TTLL5: variants seen among roughly 807,000 people sequenced by gnomAD.
TTLL5 encodes tubulin tyrosine ligase like 5, also known as tubulin polyglutamylase TTLL5.
TTLL5 carries 132 observed loss-of-function variants against 168.4 expected under a neutral mutation model. The ratio of observed to expected loss-of-function variants is 0.78; its 90% CI spans 0.68 to 0.91. TTLL5 has a LOEUF of 0.91. Ranked by LOEUF, TTLL5 falls within the 40% of genes least tolerant of loss-of-function variation. The pLI, the probability that TTLL5 is intolerant of heterozygous loss-of-function variation, is 0.00. For missense variants in TTLL5, 1,545 were observed against 1,581.5 expected (o/e 0.98, Z 0.39); for synonymous variants, 546 against 558.6 (o/e 0.98, Z 0.32).
intron 15 of TTLL5, among the ~76,000 whole-genome samples, chr14:75,740,680 T>A (rs1248466891): frequency 6.6e-6 from 1 of 152,168 alleles, no homozygotes; most frequent in Non-Finnish European, 1.5e-5. Context: ...TTAGAAGCCA[T>A]TTTTTTGGTC....
intron 3 of TTLL5, among the ~76,000 whole-genome samples, chr14:75,681,056 A>G (rs1884572657): frequency 6.6e-6 from 1 of 152,212 alleles, no homozygotes; most frequent in African/African-American, 2.4e-5. Flanking sequence ...AAGGAAATAC[A>G]TTGTATTGAA....
At chr14:75,907,606 C>T (rs901282772) in intron 31 of TTLL5, among the ~76,000 whole-genome samples, 1 of 152,176 alleles carries the variant, frequency 6.6e-6, no homozygotes, top group Non-Finnish European at 1.5e-5. Flanking sequence ...GATCAGCAAG[C>T]TTCAAATATC....
At chr14:75,762,672 T>A (rs1890725161) in intron 18 of TTLL5, among the ~76,000 whole-genome samples, 1 of 152,216 alleles carries the variant, frequency 6.6e-6, no homozygotes, top group African/African-American at 2.4e-5. Context: ...ATTTATCTGT[T>A]TATCCAGGGT....
chr14:75,804,912 C>A (rs903506637), intron 27 of TTLL5, among the ~76,000 whole-genome samples: 3 of 152,190 alleles, frequency 2.0e-5, no homozygotes, highest in Non-Finnish European at 4.4e-5. Context: ...TTGAAGCTCT[C>A]ATTTTCTTTA....
Position 75,766,313 on chromosome 14 carries a change from G to C in TTLL5, c.1960G>C (p.Glu654Gln). The C allele has an allele frequency of 6.2e-7, 1 of 1,613,914 alleles. No individual in the cohort carries two copies. Among genetic ancestry groups the C allele is most frequent in the Non-Finnish European group, 8.5e-7 (1 of 1,179,960 alleles). ...GGHCCKLETQ[E>Q]LEPKFNLMQI... Reference sequence around the variant, plus strand: ...ACACTGCTGCAAACTTGAGACTCAGGAGCTAGAGCCTAAATTTAACCTGAT... The same window carrying C: ...ACACTGCTGCAAACTTGAGACTCAGCAGCTAGAGCCTAAATTTAACCTGAT... Residue 654 changes from glutamate to glutamine, a missense_variant, in exon 20 of 32, where the codon GAG (glutamate) becomes CAG (glutamine). Glu to Gln is a conservative substitution (Grantham distance 29). Transcript: ENST00000298832.
At chr14:75,793,729 G>A (rs1892848472) in intron 27 of TTLL5, among the ~76,000 whole-genome samples, 1 of 152,184 alleles carries the variant, frequency 6.6e-6, no homozygotes, top group Non-Finnish European at 1.5e-5. Flanking sequence ...CACAGTGAAG[G>A]TAGATGACAC....
At chr14:75,850,231 A>G (rs983347040) in intron 28 of TTLL5, among the ~76,000 whole-genome samples, 2 of 151,826 alleles carry the variant, frequency 1.3e-5, no homozygotes, top group African/African-American at 4.8e-5. Context: ...AAATGGAGAA[A>G]CCCCGTCTCT....
At chr14:75,865,126 G>A (rs1332386074) in intron 29 of TTLL5, among the ~76,000 whole-genome samples, 2 of 152,062 alleles carry the variant, frequency 1.3e-5, no homozygotes, top group African/African-American at 4.8e-5. Context: ...ATAGAATATA[G>A]CATCTCATTG....
At chr14:75,688,071 GC>G (rs1885200120) in intron 5 of TTLL5, among the ~76,000 whole-genome samples, 1 of 152,056 alleles carries the variant, frequency 6.6e-6, no homozygotes, top group South Asian at 2.1e-4. Flanking sequence ...TAACTCCTTG[GC>G]TCCTTGGAAT....
intron 31 of TTLL5, among the ~76,000 whole-genome samples, chr14:75,908,306 C>T (rs1009020488): frequency 1.4e-4 from 22 of 152,158 alleles, no homozygotes; most frequent in African/African-American, 5.3e-4. Context: ...GGCATGTGGC[C>T]GATGGCAGTG....
At chr14:75,784,317 A>G (rs1892243894) in intron 26 of TTLL5, among the ~76,000 whole-genome samples, 1 of 152,158 alleles carries the variant, frequency 6.6e-6, no homozygotes, top group Admixed American at 6.5e-5. Context: ...GCTGCTTTCT[A>G]TTCTGGACAT....
intron 15 of TTLL5, among the ~76,000 whole-genome samples, chr14:75,737,120 C>T (rs1030907861): frequency 1.3e-5 from 2 of 152,184 alleles, no homozygotes; most frequent in Non-Finnish European, 2.9e-5. Flanking sequence ...TCTTAGTTTG[C>T]CTGTCAGCTT....
rs202058075 is a variant in TTLL5, at chr14:75,719,771, A to G, written c.879A>G (p.Lys293=). Residue 293 remains lysine (K), a synonymous_variant, in exon 11 of 32, where the codon AAA becomes AAG. Transcript: ENST00000298832. ...CAGAAGTGGAGGATTATGGAAACAA[A>G]TGGAGCATGAGTGCTATGCTTAGGT... ...DDPEVEDYGN[K]WSMSAMLRYL... The G allele has an allele frequency of 3.8e-5, 62 of 1,613,028 alleles. No individual in the cohort carries two copies. Among genetic ancestry groups the G allele is most frequent in the Non-Finnish European group, 5.1e-5 (60 of 1,179,686 alleles).
intron 3 of TTLL5, among the ~76,000 whole-genome samples, chr14:75,677,019 A>T (rs115170308): frequency 0.013 from 1,993 of 151,966 alleles, 41 homozygotes; most frequent in African/African-American, 0.046. Flanking sequence ...CAGCCCTCCC[A>T]TCTCGGCCTT....
At chr14:75,694,932 C>G (rs563247382) in intron 6 of TTLL5, among the ~76,000 whole-genome samples, 1 of 152,038 alleles carries the variant, frequency 6.6e-6, no homozygotes, top group African/African-American at 2.4e-5. Context: ...GTGATAATTG[C>G]GTTAACTGCA....
rs1417317658 is a variant in TTLL5, at chr14:75,924,475, G to A, written c.3823+22251G>A. On this transcript the variant is annotated intron_variant, in intron 31 of 31. Transcript: ENST00000298832. Reference sequence around the variant, plus strand: ...CCCTGGGTACTTGAGATTAGGGAGTGGTGATGATTCTTAATGAGCATGCTG... The same window carrying A: ...CCCTGGGTACTTGAGATTAGGGAGTAGTGATGATTCTTAATGAGCATGCTG... Among the ~76,000 whole-genome samples the A allele has an allele frequency of 2.0e-5, 3 of 151,624 alleles. No homozygotes were observed. The South Asian group carries it at 6.2e-4, about 31-fold the overall frequency.
At chr14:75,754,984 G>T (rs1357121236) in intron 18 of TTLL5, among the ~76,000 whole-genome samples, 1 of 152,058 alleles carries the variant, frequency 6.6e-6, no homozygotes, top group Non-Finnish European at 1.5e-5. Flanking sequence ...ACATAATTTG[G>T]CCAGGCGCGG....
intron 28 of TTLL5, among the ~76,000 whole-genome samples, chr14:75,828,614 TG>T (rs1895372947): frequency 6.6e-6 from 1 of 152,192 alleles, no homozygotes; most frequent in African/African-American, 2.4e-5. Context: ...GTGCAGGGGT[TG>T]GCACCCCAAC....
chr14:75,788,253 GGA>G (rs1892495459), intron 26 of TTLL5, among the ~76,000 whole-genome samples: 1 of 151,940 alleles, frequency 6.6e-6, no homozygotes, highest in Admixed American at 6.6e-5. Flanking sequence ...TCTAAATAAA[GGA>G]TAAAGAAATA....
Sources: allele counts gnomAD v4.1 joint callset (sites outside exome capture counted in the v4.1 genomes callset), GRCh38; gene constraint gnomAD v4.1.1; transcripts MANE v1.5; gene names NCBI Gene and HGNC (gene_info 2026-07-23, HGNC 2026-07-21).